Variants in HADH observed in about 807,000 individuals in gnomAD.
The protein encoded by HADH is hydroxyacyl-coenzyme A dehydrogenase, mitochondrial.
HADH carries 24 observed loss-of-function variants against 32.2 expected under a neutral mutation model. That is an observed-to-expected ratio of 0.75 (90% confidence interval 0.54 to 1.05). The LOEUF (loss-of-function observed/expected upper bound fraction) is 1.05, where lower values mean the gene tolerates loss of function less well. Ranked by LOEUF, HADH falls within the 50% of genes least tolerant of loss-of-function variation. The pLI, the probability that HADH is intolerant of heterozygous loss-of-function variation, is 0.00. For synonymous variants in HADH, 139 were observed against 152.5 expected (o/e 0.91, Z 0.65); for missense variants, 350 against 397.1 (o/e 0.88, Z 1.01).
intron 1 of HADH, among the ~76,000 whole-genome samples, chr4:107,999,097 C>T (rs192778754): frequency 1.3e-5 from 2 of 152,292 alleles, no homozygotes; most frequent in East Asian, 1.9e-4. Context: ...AGAGAAGAAA[C>T]CTGTGTTGGA....
At chr4:108,026,778 C>T (rs923671210) in intron 5 of HADH, 4 of 152,182 alleles carry the variant, frequency 2.6e-5, no homozygotes, top group African/African-American at 9.7e-5. Flanking sequence ...GATTTCTGCC[C>T]TCAGGAAGAT....
In HADH at chr4:108,034,389, C is replaced by G. The variant is rs1310493047; in HGVS notation, c.*32C>G. On this transcript the variant is annotated 3_prime_UTR_variant, in exon 8 of 8. Coordinates refer to ENST00000309522, the MANE Select transcript of HADH (RefSeq NM_005327.7). Reference sequence around the variant, plus strand: ...GCTTCTCCGGCTCTGAGAAGAACACCTGAGAGCGCTTTCCAGCCAGTGCCC... The same window carrying G: ...GCTTCTCCGGCTCTGAGAAGAACACGTGAGAGCGCTTTCCAGCCAGTGCCC... 3 of 1,293,824 alleles carry G rather than the reference C, an allele frequency of 2.3e-6. No individual in the cohort carries two copies. The African/African-American group carries it at 4.4e-5, about 19-fold the overall frequency. 80.1% of individuals were successfully genotyped at this position (1,293,824 alleles called of 1,614,324 possible).
At chr4:108,003,105 C>CT (rs11390276) in intron 1 of HADH, among the ~76,000 whole-genome samples, 91,618 of 124,076 alleles carry the variant, frequency 0.74, 35,270 homozygotes, top group East Asian at 0.88. Flanking sequence ...GTGTCTTAGT[C>CT]TTTTTTTTTT....
intron 6 of HADH, 192 bp from the exon 7 acceptor site, chr4:108,032,984 A>C (rs1182669523): frequency 1.6e-6 from 1 of 606,228 alleles, no homozygotes; most frequent in Non-Finnish European, 3.0e-6. Flanking sequence ...TCTGTCTCAA[A>C]AAAAACAAAG....
chr4:108,003,214 T>C (rs1428112192), intron 1 of HADH, among the ~76,000 whole-genome samples: 1 of 150,676 alleles, frequency 6.6e-6, no homozygotes, highest in Non-Finnish European at 1.5e-5. Flanking sequence ...AAGTCCAAGA[T>C]CAAGGTACCA....
chr4:108,018,778 C>A (rs951207023), intron 3 of HADH, among the ~76,000 whole-genome samples: 4 of 152,240 alleles, frequency 2.6e-5, no homozygotes, highest in Admixed American at 2.0e-4. Context: ...CGCAAGGTGG[C>A]GCTGCAGGAA....
intron 1 of HADH, among the ~76,000 whole-genome samples, chr4:108,004,038 G>A (rs1560725245): frequency 1.3e-5 from 2 of 152,128 alleles, no homozygotes; most frequent in African/African-American, 2.4e-5. Context: ...GTTTCAGGCT[G>A]TTGCCCTCAG....
chr4:108,018,883 T>C lies in HADH; in HGVS notation c.420-657T>C, dbSNP rs148023489. The stretch of plus-strand genomic sequence containing the variant: ...AAGAACTAAATTTGGTTTAAGTCAG[T>C]ATGGATTTTTTTTAATGAATAAGTT... On this transcript the variant is annotated intron_variant, in intron 3 of 7. Coordinates refer to ENST00000309522, the MANE Select transcript of HADH (RefSeq NM_005327.7). 7.5e-4 allele frequency among the ~76,000 whole-genome samples: 114 copies of C among 151,928 alleles called. 1 individual carries two copies. The East Asian group carries it at 0.018, about 24-fold the overall frequency.
intron 3 of HADH, among the ~76,000 whole-genome samples, chr4:108,016,680 G>C (rs1735705606): frequency 6.6e-6 from 1 of 152,220 alleles, no homozygotes; most frequent in African/African-American, 2.4e-5. Flanking sequence ...AGGATCACTG[G>C]AGAAAGTCAG....
chr4:108,023,576 G>A lies in HADH; in HGVS notation c.636+13G>A, dbSNP rs17511214. On this transcript the variant is annotated intron_variant, in intron 5 of 7. Coordinates refer to ENST00000309522, the MANE Select transcript of HADH (RefSeq NM_005327.7). ...TGTTTCTTGCAAGGTAAGAGTATGG[G>A]TAGCTTGGGAAGGAGGTAGTTCTTT... The A allele has an allele frequency of 0.05, 72,201 of 1,455,470 alleles. 2,050 individuals carry two copies. Among genetic ancestry groups the A allele is most frequent in the Non-Finnish European group, 0.057 (58,988 of 1,034,682 alleles). 90.2% of individuals were successfully genotyped at this position (1,455,470 alleles called of 1,614,324 possible).
intron 3 of HADH, among the ~76,000 whole-genome samples, chr4:108,017,334 CT>C (rs1161136376): frequency 6.6e-6 from 1 of 152,146 alleles, no homozygotes; most frequent in African/African-American, 2.4e-5. Flanking sequence ...TGACTTTCCC[CT>C]TTAGACAAAG....
chr4:108,011,861 TGAA>T (rs1735505913), intron 2 of HADH, among the ~76,000 whole-genome samples: 1 of 152,128 alleles, frequency 6.6e-6, no homozygotes, highest in Non-Finnish European at 1.5e-5. Context: ...ATCTTAGGTG[TGAA>T]GTAGTATCTC....
At chr4:108,028,845 T>C (rs1332810982) in intron 6 of HADH, 1 of 398,512 alleles carries the variant, frequency 2.5e-6, no homozygotes, top group Non-Finnish European at 4.4e-6. Flanking sequence ...TTTGATGCAT[T>C]CTCCAATGCA....
rs1050733536 is a variant in HADH at position 108,012,140 on chromosome 4, T to G, written c.261+2253T>G. Among the ~76,000 whole-genome samples the G allele has an allele frequency of 5.3e-5, 8 of 152,112 alleles. No homozygotes were observed. The East Asian group carries it at 9.7e-4, about 18-fold the overall frequency. On this transcript the variant is annotated intron_variant, in intron 2 of 7. Transcript: ENST00000309522. ...TCAAACTCCTGGCCTCAAGTGATCCTCCCACCTTGGCCACTCAAAGTGCTG... is the reference window on the plus strand; with the variant it reads ...TCAAACTCCTGGCCTCAAGTGATCCGCCCACCTTGGCCACTCAAAGTGCTG...
intron 2 of HADH, among the ~76,000 whole-genome samples, chr4:108,010,703 A>ATTTGC (rs1260939841): frequency 7.2e-5 from 11 of 152,168 alleles, no homozygotes; most frequent in Non-Finnish European, 1.5e-4. Flanking sequence ...ATTTTAAACT[A>ATTTGC]TACAATTCAG....
chr4:108,010,849 CTTT>C (rs1199994737), intron 2 of HADH, among the ~76,000 whole-genome samples: 9 of 124,786 alleles, frequency 7.2e-5, no homozygotes, highest in Admixed American at 1.6e-4. Context: ...CAACTTCATT[CTTT>C]TTTTTTTTTT....
chr4:108,004,782 G>A (rs994640670), intron 1 of HADH: 1 of 1,535,906 alleles, frequency 6.5e-7, no homozygotes, highest in Non-Finnish European at 8.7e-7. Flanking sequence ...ACATGTGTAG[G>A]ACAGCCTTAG....
rs767801489 is a variant in HADH at position 108,033,342 on chromosome 4, CTG to C, written c.826+52_826+53del. ...CTTTAATTGAGGTAGTTTTTCTGAA[CTG>C]TAAATTATAATGCCTTTTTAAAAAA... On this transcript the variant is annotated intron_variant, in intron 7 of 7. Coordinates refer to ENST00000309522, the MANE Select transcript of HADH (RefSeq NM_005327.7). The C allele has an allele frequency of 6.3e-6, 6 of 951,916 alleles. No individual in the cohort carries two copies. The East Asian group carries it at 7.2e-5, about 11-fold the overall frequency. 59.0% of individuals were successfully genotyped at this position (951,916 alleles called of 1,614,324 possible).
At chr4:108,015,860 C>T (rs1158510100) in intron 3 of HADH, among the ~76,000 whole-genome samples, 1 of 151,998 alleles carries the variant, frequency 6.6e-6, no homozygotes, top group Non-Finnish European at 1.5e-5. Flanking sequence ...CAGTTAAGGA[C>T]ATGTAGGGTA....
Sources: gnomAD v4.1 joint callset for allele counts (sites outside exome capture counted in the v4.1 genomes callset) on GRCh38, gnomAD v4.1.1 for gene constraint, MANE v1.5 for transcripts, NCBI Gene and HGNC (gene_info 2026-07-23, HGNC 2026-07-21) for gene names.